ARFGEF3: variants seen among roughly 807,000 people sequenced by gnomAD.
ARFGEF3 encodes the protein ARFGEF family member 3.
A neutral mutation model predicts 221.7 loss-of-function variants in ARFGEF3; 96 were observed. The observed-to-expected ratio is 0.43, with a 90% CI of 0.37 to 0.51. The LOEUF is 0.51. Ranked by LOEUF, ARFGEF3 falls within the 20% of genes least tolerant of loss-of-function variation. The pLI is 0.00. For synonymous variants in ARFGEF3, 1,145 were observed against 1,126.8 expected, an observed-to-expected ratio of 1.02 and a Z score of -0.32; for missense variants, 2,410 against 2,789.9, an observed-to-expected ratio of 0.86 and a Z score of 3.07.
intron 12 of ARFGEF3, among the ~76,000 whole-genome samples, chr6:138,263,978 A>G (rs1778838883): frequency 6.6e-6 from 1 of 152,230 alleles, no homozygotes; most frequent in African/African-American, 2.4e-5. Flanking sequence ...TCATAGAGCA[A>G]TGTACTTTTG....
chr6:138,237,581 A>T (rs9494981), intron 5 of ARFGEF3, among the ~76,000 whole-genome samples: 4 of 152,178 alleles, frequency 2.6e-5, no homozygotes, highest in Non-Finnish European at 4.4e-5. Flanking sequence ...TCAACTAGAC[A>T]TGGAGACTGG....
chr6:138,214,604 G>A (rs1471571372), intron 4 of ARFGEF3, among the ~76,000 whole-genome samples: 5 of 152,132 alleles, frequency 3.3e-5, no homozygotes, highest in Non-Finnish European at 5.9e-5. Context: ...TTATAAACAT[G>A]GAAGATTGAA....
At chr6:138,327,952 C>T (rs965297127) in intron 31 of ARFGEF3, 69 bp from the exon 32 acceptor site, 133 of 1,347,260 alleles carry the variant, frequency 9.9e-5, no homozygotes, top group East Asian at 3.0e-4. Context: ...CAGGGTCATC[C>T]AGCTGATCCC....
At chr6:138,219,099 T>C (rs1777931223) in intron 4 of ARFGEF3, among the ~76,000 whole-genome samples, 1 of 152,160 alleles carries the variant, frequency 6.6e-6, no homozygotes, top group Non-Finnish European at 1.5e-5. Context: ...AAGGTAGCTG[T>C]GTATGTTTAA....
In ARFGEF3 at chr6:138,278,010, G is replaced by A. The variant is rs545393230; in HGVS notation, c.2129-441G>A. Among the ~76,000 whole-genome samples the A allele has an allele frequency of 2.0e-4, 31 of 152,296 alleles. No homozygotes were observed. The South Asian group carries it at 6.4e-3, about 32-fold the overall frequency. ...TGCAAAGGCCCTGCGGCAGGTCCAGGCCTGGTGTGGCTGAGGGACAGCAGG... is the reference window on the plus strand; with the variant it reads ...TGCAAAGGCCCTGCGGCAGGTCCAGACCTGGTGTGGCTGAGGGACAGCAGG... On this transcript the variant is annotated intron_variant, in intron 12 of 33. Transcript: ENST00000251691.
intron 31 of ARFGEF3, among the ~76,000 whole-genome samples, chr6:138,327,440 C>A (rs56036778): frequency 6.6e-6 from 1 of 152,086 alleles, no homozygotes; most frequent in South Asian, 2.1e-4. Flanking sequence ...CAGAGTGAGA[C>A]CCTGTTTCAA....
At position 138,330,689 on chromosome 6, in the gene ARFGEF3, A is replaced by G. The variant is rs144536809; in HGVS notation, c.5123+2547A>G. On this transcript the variant is annotated intron_variant, in intron 32 of 33. Coordinates refer to ENST00000251691, the MANE Select transcript of ARFGEF3 (RefSeq NM_020340.5). Reference sequence around the variant, plus strand: ...CATCTCAAAAAACCAACAAACAAAAAGTTTGCCAGGTTAGCAGGTCAGTTT... The same window carrying G: ...CATCTCAAAAAACCAACAAACAAAAGGTTTGCCAGGTTAGCAGGTCAGTTT... Among the ~76,000 whole-genome samples the G allele has an allele frequency of 1.8e-4, 27 of 152,022 alleles. No homozygotes were observed. In the East Asian group the frequency reaches 4.3e-3, roughly 24 times the overall value.
chr6:138,257,270 A>G (rs534789303), intron 10 of ARFGEF3, among the ~76,000 whole-genome samples: 3 of 152,056 alleles, frequency 2.0e-5, no homozygotes, highest in South Asian at 4.2e-4. Context: ...CTCCCCTACT[A>G]CTGTTCAACT....
chr6:138,263,054 C>T lies in ARFGEF3; in HGVS notation c.1571C>T (p.Thr524Ile), dbSNP rs774957180. The T allele has an allele frequency of 4.3e-6, 7 of 1,612,670 alleles. 1 individual carries two copies. Among genetic ancestry groups the T allele is most frequent in the South Asian group, 2.2e-5 (2 of 90,816 alleles). The change falls in exon 12 of 34, where the codon ACA becomes ATA. Residue 524 changes from threonine to isoleucine, a missense_variant. Around this residue, in one of 5 missense-constraint regions of ARFGEF3, gnomAD observed 594 missense variants for 734.3 expected, o/e 0.81. Coordinates refer to ENST00000251691, the MANE Select transcript of ARFGEF3 (RefSeq NM_020340.5). ...TTLEGELGQT[T>I]PEDHSGNHKN... ...CTCGAGGGAGAGTTGGGTCAGACTA[C>T]ACCCGAGGACCATTCGGGAAACCAC...
At chr6:138,329,331 C>A (rs1432043390) in intron 32 of ARFGEF3, among the ~76,000 whole-genome samples, 2 of 152,120 alleles carry the variant, frequency 1.3e-5, no homozygotes, top group African/African-American at 4.8e-5. Flanking sequence ...GGGTCCTTTG[C>A]CCAAGGACAC....
chr6:138,228,643 T>G (rs1251421227), intron 4 of ARFGEF3, among the ~76,000 whole-genome samples: 1 of 152,232 alleles, frequency 6.6e-6, no homozygotes, highest in Non-Finnish European at 1.5e-5. Context: ...CATACTTGCT[T>G]TCTCTGAAGG....
chr6:138,301,336 C>T (rs1156916337), intron 22 of ARFGEF3, among the ~76,000 whole-genome samples: 1 of 152,224 alleles, frequency 6.6e-6, no homozygotes, highest in African/African-American at 2.4e-5. Flanking sequence ...GGGAGTCTGA[C>T]TTCCTTGACA....
chr6:138,280,370 AG>A (rs1447364356), intron 14 of ARFGEF3, among the ~76,000 whole-genome samples: 3 of 152,160 alleles, frequency 2.0e-5, no homozygotes, highest in African/African-American at 7.2e-5. Flanking sequence ...GGGAGTCTGT[AG>A]GGTTCACTGT....
rs573444523 is a variant in ARFGEF3, at chr6:138,162,320, T to A, written c.85+149T>A. Reference sequence around the variant, plus strand: ...TCGCCTCGGGAAATTGATGTGGGATTTGAGAGTCTTGGCTCGGGCGTGGAC... The same window carrying A: ...TCGCCTCGGGAAATTGATGTGGGATATGAGAGTCTTGGCTCGGGCGTGGAC... On this transcript the variant is annotated intron_variant, in intron 1 of 33. Transcript: ENST00000251691. The surrounding 1 kb of genome is among the most constrained non-coding windows in gnomAD (Gnocchi z 4.7). 5.5e-6 allele frequency: 3 copies of A among 549,072 alleles called. No individual in the cohort carries two copies. In the South Asian group the frequency reaches 7.0e-5, roughly 13 times the overall value. 34.0% of individuals were successfully genotyped at this position (549,072 alleles called of 1,614,324 possible).
chr6:138,192,151 CTT>C (rs2114469506), intron 2 of ARFGEF3, among the ~76,000 whole-genome samples: 1 of 152,246 alleles, frequency 6.6e-6, no homozygotes, highest in Non-Finnish European at 1.5e-5. Flanking sequence ...GTACTGAAGA[CTT>C]CAGAATTCCC....
chr6:138,183,740 A>G (rs1187460606), intron 2 of ARFGEF3, among the ~76,000 whole-genome samples: 2 of 152,212 alleles, frequency 1.3e-5, no homozygotes, highest in Non-Finnish European at 2.9e-5. Flanking sequence ...TGGTTCTCCT[A>G]CATATGCCTT....
At chr6:138,303,174 G>C (rs1779656176) in intron 22 of ARFGEF3, among the ~76,000 whole-genome samples, 1 of 152,030 alleles carries the variant, frequency 6.6e-6, no homozygotes. Flanking sequence ...ATTAACTTGA[G>C]GTACAAATGT....
Position 138,284,307 on chromosome 6 carries a change from A to G in ARFGEF3, c.2462-1639A>G, listed in dbSNP as rs1325453351. Among the ~76,000 whole-genome samples, 3 of 150,618 alleles carry G rather than the reference A, an allele frequency of 2.0e-5. No homozygotes were observed. In the East Asian group the frequency reaches 5.8e-4, roughly 29 times the overall value. ...GTGACAGAGTGAGACCCCGTCTCAA[A>G]AACAAACAAACAAAAACAAACAAAA... On this transcript the variant is annotated intron_variant, in intron 14 of 33. Transcript: ENST00000251691.
intron 12 of ARFGEF3, among the ~76,000 whole-genome samples, chr6:138,275,589 C>T (rs1186882814): frequency 6.6e-6 from 1 of 151,918 alleles, no homozygotes; most frequent in Non-Finnish European, 1.5e-5. Context: ...ACTAAAAATA[C>T]AAAAATTAGC....
Sources: gnomAD v4.1 joint callset for allele counts (sites outside exome capture counted in the v4.1 genomes callset) on GRCh38, gnomAD v4.1.1 for gene constraint, gnomAD v4.1.1 regional missense constraint, Gnocchi (gnomAD v3.1) non-coding constraint, MANE v1.5 for transcripts, NCBI Gene and HGNC (gene_info 2026-07-23, HGNC 2026-07-21) for gene names.